Variants in KLHDC4 observed in about 807,000 individuals in gnomAD.
KLHDC4 encodes the protein kelch domain containing 4, also known as kelch domain-containing protein 4.
A neutral mutation model predicts 62.4 loss-of-function variants in KLHDC4; 90 were observed. The observed-to-expected ratio is 1.44, with a 90% confidence interval of 1.22 to 1.72. The LOEUF (loss-of-function observed/expected upper bound fraction) is 1.72. Ranked by LOEUF, KLHDC4 falls within the 40% of genes most tolerant of loss-of-function variation. KLHDC4 has a pLI of 0.00. For synonymous variants in KLHDC4, 386 were observed against 284.4 expected, an observed-to-expected ratio of 1.36 and a Z score of -3.59; for missense variants, 1,025 against 699.7, an observed-to-expected ratio of 1.47 and a Z score of -5.25.
intron 5 of KLHDC4, among the ~76,000 whole-genome samples, chr16:87,735,739 C>G (rs1424707184): frequency 6.6e-6 from 1 of 152,170 alleles, no homozygotes; most frequent in Non-Finnish European, 1.5e-5. Context: ...TTAAAAAATC[C>G]ACATGTCCTC....
Position 87,726,912 on chromosome 16 carries a change from G to C in KLHDC4, c.612C>G (p.Tyr204Ter), listed in dbSNP as rs778824184. ...GFHESTRDYIYYNDVYAFNLD... is the reference protein window; with the variant it reads ...GFHESTRDYI Reference sequence around the variant, plus strand: ...GATTAAAGGCATACACGTCGTTGTAGTAGATGTAATCCCTGGTTAGAAGAA... The same window carrying C: ...GATTAAAGGCATACACGTCGTTGTACTAGATGTAATCCCTGGTTAGAAGAA... The change falls in exon 7 of 12, where the codon TAC becomes TAG. Residue 204 changes from tyrosine (Y) to a stop codon, truncating the protein, a stop_gained. Transcript: ENST00000270583. LOFTEE classifies it high-confidence loss of function. The C allele has an allele frequency of 1.2e-6, 2 of 1,613,954 alleles. No individual in the cohort carries two copies. The highest frequency in any genetic ancestry group is 1.7e-6 in the Non-Finnish European group (2 of 1,179,920).
chr16:87,710,980 G>GGCACCTCAGCCCA (rs1338385982), intron 9 of KLHDC4: 30 of 495,164 alleles, frequency 6.1e-5, no homozygotes, highest in African/African-American at 5.8e-4. Context: ...GGAGGTCCCG[G>GGCACCTCAGCCCA]GCACCTCAGC....
intron 8 of KLHDC4, 93 bp from the exon 9 acceptor site, chr16:87,711,536 G>A (rs2035836638): frequency 1.1e-5 from 12 of 1,085,322 alleles, no homozygotes; most frequent in African/African-American, 4.8e-5. Flanking sequence ...GTGCCCCCCA[G>A]AATGGGGTAA....
rs182034297 is a variant in KLHDC4, at chr16:87,717,127, A to G, written c.760-2554T>C. 5.9e-5 allele frequency among the ~76,000 whole-genome samples: 9 copies of G among 151,916 alleles called. No homozygotes were observed. In the East Asian group the frequency reaches 1.7e-3, roughly 29 times the overall value. On this transcript the variant is annotated intron_variant, in intron 7 of 11. Transcript: ENST00000270583. ...GCATCTGTAGTCTCAGCTACTCCCA[A>G]CGCTGAGGTGGGAGGACTACTTGAG...
chr16:87,736,846 C>T (rs548673215), intron 5 of KLHDC4, among the ~76,000 whole-genome samples: 17 of 152,146 alleles, frequency 1.1e-4, no homozygotes, highest in African/African-American at 3.1e-4. Context: ...GGAAATCGGC[C>T]GGGCGCGGTG....
exon 1 of KLHDC4, chr16:87,700,325 G>A (rs1399311215): frequency 4.5e-5 from 7 of 154,884 alleles, no homozygotes; most frequent in African/African-American, 1.4e-4. Context: ...GACTGTTTCT[G>A]CCTTCAGCCG....
intron 7 of KLHDC4, among the ~76,000 whole-genome samples, chr16:87,722,560 G>A (rs1314038895): frequency 6.6e-6 from 1 of 152,234 alleles, no homozygotes; most frequent in African/African-American, 2.4e-5. Context: ...CCAGGCACCA[G>A]GCACGCAAGT....
chr16:87,760,384 G>A (rs1046197668), intron 2 of KLHDC4, among the ~76,000 whole-genome samples: 88 of 151,578 alleles, frequency 5.8e-4, no homozygotes, highest in Admixed American at 1.1e-3. Context: ...GAGGCGGGCG[G>A]ATCACGAGGT....
chr16:87,726,812 C>T lies in KLHDC4; in HGVS notation c.712G>A (p.Val238Ile). 4.3e-6 allele frequency: 7 copies of T among 1,610,572 alleles called. No individual in the cohort carries two copies. Among genetic ancestry groups the T allele is most frequent in the Non-Finnish European group, 5.9e-6 (7 of 1,178,704 alleles). ...PTPRSGCQMS[V>I]TPQGGIVVYG... ...ACGACGATGCCGCCCTGGGGAGTGA[C>T]GGACATCTGGCAGCCTGATCTGGGT... The change falls in exon 7 of 12, where the codon GTC (valine) becomes ATC (isoleucine). Residue 238 changes from valine to isoleucine, a missense_variant. By Grantham distance (29) the Val-to-Ile change is conservative. Coordinates refer to ENST00000270583, the MANE Select transcript of KLHDC4 (RefSeq NM_017566.4).
chr16:87,726,891 A>C lies in KLHDC4; in HGVS notation c.633T>G (p.Phe211Leu). Reference sequence around the variant, plus strand: ...TGCTCCATGTGAAGGTGTCCAGATTAAAGGCATACACGTCGTTGTAGTAGA... The same window carrying C: ...TGCTCCATGTGAAGGTGTCCAGATTCAAGGCATACACGTCGTTGTAGTAGA... ...DYIYYNDVYAFNLDTFTWSKL... is the reference protein window; with the variant it reads ...DYIYYNDVYALNLDTFTWSKL... Residue 211 changes from phenylalanine (F) to leucine (L), a missense_variant, in exon 7 of 12, where the codon TTT (phenylalanine) becomes TTG (leucine). By Grantham distance (22) the Phe-to-Leu change is conservative. Coordinates refer to ENST00000270583, the MANE Select transcript of KLHDC4 (RefSeq NM_017566.4). The C allele has an allele frequency of 6.2e-7, 1 of 1,614,034 alleles. No individual in the cohort carries two copies.
At chr16:87,738,688 C>A (rs2041779501) in intron 5 of KLHDC4, among the ~76,000 whole-genome samples, 1 of 127,966 alleles carries the variant, frequency 7.8e-6, no homozygotes, top group African/African-American at 3.0e-5. Flanking sequence ...AGCACCTCAT[C>A]CATCCACACA....
At chr16:87,758,942 G>A (rs1205022897) in intron 2 of KLHDC4, among the ~76,000 whole-genome samples, 1 of 152,138 alleles carries the variant, frequency 6.6e-6, no homozygotes, top group Non-Finnish European at 1.5e-5. Flanking sequence ...TTCGGAGGCC[G>A]AGGCGGGCGG....
In KLHDC4 at chr16:87,709,417, C is replaced by T. The variant is rs757939376; in HGVS notation, c.1295G>A (p.Arg432His). 9.9e-6 allele frequency: 16 copies of T among 1,612,968 alleles called. No homozygotes were observed. Among genetic ancestry groups the T allele is most frequent in the Middle Eastern group, 1.6e-4 (1 of 6,084 alleles). ...AGSPAPGPCP[R>H]SNAMLAVKHG... ...CTTCACAGCCAGCATGGCGTTGGAG[C>T]GTGGACACGGCCCAGGTGCGGGGCT... The change falls in exon 10 of 12, where the codon CGC (arginine) becomes CAC (histidine). Residue 432 changes from arginine to histidine, a missense_variant. By Grantham distance (29) the Arg-to-His change is conservative. Transcript: ENST00000270583.
At chr16:87,764,179 T>C (rs1399701116) in intron 1 of KLHDC4, among the ~76,000 whole-genome samples, 1 of 152,224 alleles carries the variant, frequency 6.6e-6, no homozygotes, top group Non-Finnish European at 1.5e-5. Flanking sequence ...AAGAAAGAGA[T>C]GATCCTCTGT....
At position 87,711,220 on chromosome 16, in the gene KLHDC4, C is replaced by A. The variant is rs755622065; in HGVS notation, c.1044+15G>T. ...GCTGCGCACCACGGCGCATGCTACTCAGAGGTTGCACTACCTTCAGCTGTC... is the reference window on the plus strand; with the variant it reads ...GCTGCGCACCACGGCGCATGCTACTAAGAGGTTGCACTACCTTCAGCTGTC... On this transcript the variant is annotated intron_variant, in intron 9 of 11. Coordinates refer to ENST00000270583, the MANE Select transcript of KLHDC4 (RefSeq NM_017566.4). 6 of 1,613,544 alleles carry A rather than the reference C, an allele frequency of 3.7e-6. No homozygotes were observed. The South Asian group carries it at 5.5e-5, about 15-fold the overall frequency.
intron 5 of KLHDC4, among the ~76,000 whole-genome samples, chr16:87,732,402 G>A (rs1286821184): frequency 1.3e-5 from 2 of 152,046 alleles, no homozygotes; most frequent in East Asian, 1.9e-4. Context: ...GGTCAGGTGT[G>A]TATATTTCTT....
rs200058312 is a variant in KLHDC4 at position 87,711,273 on chromosome 16, C to T, written c.1006G>A (p.Asp336Asn). Residue 336 changes from aspartate (D) to asparagine (N), a missense_variant, in exon 9 of 12, where the codon GAC becomes AAC. Transcript: ENST00000270583. ...TCAAACCAACGGTTCCTGGTGGCGT[C>T]GTAGAAGTACAGATCGTTGAAGAAC... ...GEFFNDLYFY[D>N]ATRNRWFEGQ... 3.2e-4 allele frequency: 509 copies of T among 1,614,058 alleles called. No individual in the cohort carries two copies. Among genetic ancestry groups the T allele is most frequent in the Non-Finnish European group, 3.9e-4 (462 of 1,180,044 alleles).
At chr16:87,746,773 G>C (rs963061498) in intron 5 of KLHDC4, among the ~76,000 whole-genome samples, 2 of 152,224 alleles carry the variant, frequency 1.3e-5, no homozygotes, top group East Asian at 1.9e-4. Context: ...GCCAAGAATC[G>C]CAACTACATT....
intron 7 of KLHDC4, among the ~76,000 whole-genome samples, chr16:87,722,397 T>A (rs2038560725): frequency 6.6e-6 from 1 of 152,176 alleles, no homozygotes; most frequent in African/African-American, 2.4e-5. Context: ...CCTCTTAATC[T>A]ACAGGCAGGT....
Sources: allele counts gnomAD v4.1 joint callset (sites outside exome capture counted in the v4.1 genomes callset), GRCh38; gene constraint gnomAD v4.1.1; transcripts MANE v1.5; gene names NCBI Gene and HGNC (gene_info 2026-07-23, HGNC 2026-07-21).